Variants in DSG4 observed in about 807,000 individuals in gnomAD.
DSG4 encodes the protein desmoglein-4.
A neutral mutation model predicts 93.1 loss-of-function variants in DSG4; 87 were observed. The observed-to-expected ratio is 0.93, with a 90% CI of 0.79 to 1.12. DSG4 has a LOEUF of 1.12. DSG4 is among the 50% of genes most tolerant of loss of function. The pLI is 0.00. For synonymous variants in DSG4, 432 were observed against 452.9 expected, an observed-to-expected ratio of 0.95 and a Z score of 0.59; for missense variants, 1,373 against 1,285.7, an observed-to-expected ratio of 1.07 and a Z score of -1.04.
At chr18:31,408,404 A>G (rs989967297) in intron 12 of DSG4, among the ~76,000 whole-genome samples, 2 of 152,234 alleles carry the variant, frequency 1.3e-5, no homozygotes, top group African/African-American at 4.8e-5. Context: ...TTTTAGTTTT[A>G]GTCCTTTTCC....
At chr18:31,395,308 GA>G in intron 8 of DSG4, among the ~76,000 whole-genome samples, 1 of 149,414 alleles carries the variant, frequency 6.7e-6, no homozygotes, top group East Asian at 2.0e-4. Context: ...TCAATTTCAT[GA>G]AAAATTTGTC....
chr18:31,394,487 G>T (rs1248840376), intron 8 of DSG4, among the ~76,000 whole-genome samples: 1 of 152,160 alleles, frequency 6.6e-6, no homozygotes, highest in African/African-American at 2.4e-5. Flanking sequence ...TGAGGCAGGA[G>T]AATCGCTTGA....
intron 8 of DSG4, 64 bp downstream of exon 8, chr18:31,392,404 A>G (rs2072260339): frequency 6.5e-7 from 1 of 1,533,816 alleles, no homozygotes; most frequent in African/African-American, 1.4e-5. Flanking sequence ...GTTTTAAATG[A>G]CCTTAGAGAC....
chr18:31,399,586 G>T, intron 9 of DSG4, 43 bp downstream of exon 9: 1 of 1,611,890 alleles, frequency 6.2e-7, no homozygotes, highest in Non-Finnish European at 8.5e-7. Flanking sequence ...TCTATCCAGT[G>T]TTAATTCATG....
chr18:31,404,377 GATAAC>G (rs1466736821), intron 11 of DSG4, among the ~76,000 whole-genome samples: 1 of 152,134 alleles, frequency 6.6e-6, no homozygotes, highest in Non-Finnish European at 1.5e-5. Flanking sequence ...ATAAATTTCA[GATAAC>G]ATAACATTTT....
intron 9 of DSG4, among the ~76,000 whole-genome samples, chr18:31,399,895 G>C (rs779903108): frequency 6.6e-6 from 1 of 152,164 alleles, no homozygotes; most frequent in Admixed American, 6.5e-5. Context: ...CACCATAAAA[G>C]TTGAGTCACT....
At chr18:31,398,359 T>C (rs1226020213) in intron 8 of DSG4, among the ~76,000 whole-genome samples, 1 of 152,156 alleles carries the variant, frequency 6.6e-6, no homozygotes, top group African/African-American at 2.4e-5. Context: ...CTGTGAATGT[T>C]TTTCTTATCA....
chr18:31,395,472 T>C (rs1308968987), intron 8 of DSG4, among the ~76,000 whole-genome samples: 1 of 152,142 alleles, frequency 6.6e-6, no homozygotes, highest in Non-Finnish European at 1.5e-5. Flanking sequence ...AACCTTGATG[T>C]TTGTATTACT....
intron 1 of DSG4, among the ~76,000 whole-genome samples, chr18:31,380,047 CA>C (rs1319878603): frequency 1.3e-5 from 2 of 152,102 alleles, no homozygotes; most frequent in Non-Finnish European, 2.9e-5. Context: ...TATTTTAAAT[CA>C]GTGGATAAGT....
chr18:31,405,019 C>T (rs770214683), intron 11 of DSG4, among the ~76,000 whole-genome samples: 1 of 152,172 alleles, frequency 6.6e-6, no homozygotes, highest in Non-Finnish European at 1.5e-5. Flanking sequence ...ATGAATTTCA[C>T]TTAATGTGCT....
At chr18:31,410,894 G>A (rs914851125) in intron 14 of DSG4, among the ~76,000 whole-genome samples, 4 of 152,178 alleles carry the variant, frequency 2.6e-5, no homozygotes. Flanking sequence ...GCTTTGGAGG[G>A]CTCCCGGCTG....
At chr18:31,386,640 G>A in intron 2 of DSG4, 48 bp from the exon 3 acceptor site, 1 of 1,609,682 alleles carries the variant, frequency 6.2e-7, no homozygotes, top group Non-Finnish European at 8.5e-7. Flanking sequence ...TCCTTTCTAA[G>A]TAAAATTGTT....
rs758659944 is a variant in DSG4, at chr18:31,388,882, CCGGGCTCTGAATTCA to C, written c.386_400del (p.Ala129_Arg133del). 8.7e-6 allele frequency: 14 copies of C among 1,613,508 alleles called. No individual in the cohort carries two copies. In the South Asian group the frequency reaches 1.4e-4, roughly 16 times the overall value. On this transcript the variant is annotated inframe_deletion, in exon 5 of 16. Coordinates refer to ENST00000308128, the MANE Select transcript of DSG4 (RefSeq NM_177986.5). The stretch of plus-strand genomic sequence containing the variant: ...TTTCCAATTTTCCACAGATCTATTG[CCGGGCTCTGAATTCA>C]CGGGGTGAAGATTTAGAAAGGCCTC...
chr18:31,411,386 A>G lies in DSG4; in HGVS notation c.2293A>G (p.Thr765Ala), dbSNP rs61734847. 3.4e-3 allele frequency: 5,559 copies of G among 1,613,484 alleles called. 176 individuals carry two copies. In the African/African-American group the frequency reaches 0.067, roughly 19 times the overall value. ...AAGGAAGAGGAGCTCTACCATGGGA[A>G]CCCTGCGGGACTACGCTGACGCAGA... Reference protein sequence around the residue: ...AARKRSSTMGTLRDYADADIN... With the variant: ...AARKRSSTMGALRDYADADIN... Residue 765 changes from threonine (T) to alanine (A), a missense_variant, in exon 15 of 16, where the codon ACC (threonine) becomes GCC (alanine). Transcript: ENST00000308128.
intron 11 of DSG4, among the ~76,000 whole-genome samples, chr18:31,404,909 ATAT>A (rs2072407900): frequency 6.6e-6 from 1 of 152,196 alleles, no homozygotes; most frequent in Non-Finnish European, 1.5e-5. Context: ...TGGAGGTATA[ATAT>A]TATAGCTATT....
chr18:31,389,104 G>C lies in DSG4; in HGVS notation c.517+86G>C. 7.4e-6 allele frequency: 11 copies of C among 1,491,398 alleles called. No individual in the cohort carries two copies. The South Asian group carries it at 1.3e-4, about 17-fold the overall frequency. 92.4% of individuals were successfully genotyped at this position (1,491,398 alleles called of 1,614,324 possible). On this transcript the variant is annotated intron_variant, in intron 5 of 15. Coordinates refer to ENST00000308128, the MANE Select transcript of DSG4 (RefSeq NM_177986.5). ...TTTAGAGGACTGACATACAGGAAATGTAAAGGACAGAAAAAGCCACACTTG... is the reference window on the plus strand; with the variant it reads ...TTTAGAGGACTGACATACAGGAAATCTAAAGGACAGAAAAAGCCACACTTG...
At chr18:31,385,623 C>T (rs545966982) in intron 2 of DSG4, among the ~76,000 whole-genome samples, 41 of 152,232 alleles carry the variant, frequency 2.7e-4, no homozygotes, top group Non-Finnish European at 5.3e-4. Context: ...AATAGAGCTG[C>T]TGTCCTCTAT....
rs373396060 is a variant in DSG4 at position 31,409,602 on chromosome 18, T to A, written c.2073+11T>A. Reference sequence around the variant, plus strand: ...CATCCCGAGGACAGGGTAAGTGGACTGTCACTCTCCAGAGAAGTGTGGAGT... The same window carrying A: ...CATCCCGAGGACAGGGTAAGTGGACAGTCACTCTCCAGAGAAGTGTGGAGT... On this transcript the variant is annotated intron_variant, in intron 13 of 15. Transcript: ENST00000308128. The A allele has an allele frequency of 5.0e-6, 8 of 1,614,130 alleles. No individual in the cohort carries two copies. Among genetic ancestry groups the A allele is most frequent in the Non-Finnish European group, 6.8e-6 (8 of 1,180,050 alleles).
intron 8 of DSG4, among the ~76,000 whole-genome samples, chr18:31,394,552 C>T (rs906808556): frequency 6.6e-6 from 1 of 151,860 alleles, no homozygotes; most frequent in Non-Finnish European, 1.5e-5. Flanking sequence ...ACTCCAGCCT[C>T]GGCAACAAAA....
Sources: gnomAD v4.1 joint callset for allele counts (sites outside exome capture counted in the v4.1 genomes callset) on GRCh38, gnomAD v4.1.1 for gene constraint, MANE v1.5 for transcripts, NCBI Gene and HGNC (gene_info 2026-07-23, HGNC 2026-07-21) for gene names.